TRIM24: variants seen among roughly 807,000 people sequenced by gnomAD.
TRIM24 encodes tripartite motif containing 24.
In TRIM24, 29 loss-of-function variants were observed where a neutral mutation model predicts 123.9. The ratio of observed to expected loss-of-function variants is 0.23; its 90% confidence interval spans 0.17 to 0.32. The LOEUF (loss-of-function observed/expected upper bound fraction) is 0.32. Ranked by LOEUF, TRIM24 falls within the 10% of genes least tolerant of loss-of-function variation. TRIM24 has a pLI of 1.00. For missense variants in TRIM24, 932 were observed against 1,295.3 expected (o/e 0.72, Z 4.31); for synonymous variants, 456 against 461.1 (o/e 0.99, Z 0.14).
At chr7:138,514,971 C>G in intron 2 of TRIM24, 1 of 359,752 alleles carries the variant, frequency 2.8e-6, no homozygotes, top group South Asian at 7.9e-5. Context: ...TGGGAAATAC[C>G]TAGTTGAAAT....
At chr7:138,492,451 AATGTCCTTTG>A in intron 1 of TRIM24, among the ~76,000 whole-genome samples, 1 of 152,260 alleles carries the variant, frequency 6.6e-6, no homozygotes, top group East Asian at 1.9e-4. Context: ...CCGTCTTGAT[AATGTCCTTTG>A]ATGTACTGTA....
At chr7:138,555,482 ATTTTTTT>A (rs1203577540) in intron 9 of TRIM24, among the ~76,000 whole-genome samples, 1 of 138,516 alleles carries the variant, frequency 7.2e-6, no homozygotes, top group Non-Finnish European at 1.6e-5. Context: ...CTATAATCCA[ATTTTTTT>A]TTTTTTTTTT....
chr7:138,538,852 C>T, intron 7 of TRIM24, 49 bp downstream of exon 7: 1 of 1,521,534 alleles, frequency 6.6e-7, no homozygotes, highest in Non-Finnish European at 9.0e-7. Flanking sequence ...CACAGTAAAA[C>T]AATGGAGCCA....
intron 9 of TRIM24, among the ~76,000 whole-genome samples, chr7:138,560,179 G>A (rs1279196360): frequency 6.6e-6 from 1 of 152,184 alleles, no homozygotes; most frequent in South Asian, 2.1e-4. Context: ...AGCTGTATAA[G>A]TGTCCAATTC....
chr7:138,467,800 A>G (rs888829012), intron 1 of TRIM24, among the ~76,000 whole-genome samples: 6 of 152,310 alleles, frequency 3.9e-5, no homozygotes, highest in African/African-American at 1.4e-4. Flanking sequence ...GATATCGTAT[A>G]TGATATTTTT....
chr7:138,515,868 A>T (rs1345306270), intron 3 of TRIM24, among the ~76,000 whole-genome samples: 3 of 152,246 alleles, frequency 2.0e-5, no homozygotes, highest in South Asian at 2.1e-4. Context: ...AATACATGCA[A>T]CATAAAATTT....
chr7:138,476,445 T>C (rs1231344033), intron 1 of TRIM24, among the ~76,000 whole-genome samples: 1 of 151,522 alleles, frequency 6.6e-6, no homozygotes, highest in East Asian at 1.9e-4. Flanking sequence ...ATACAAAAAT[T>C]AGCCGGGCAT....
At chr7:138,516,808 G>GTTTTTTTTTTTTT (rs1224612357) in intron 3 of TRIM24, among the ~76,000 whole-genome samples, 1 of 131,874 alleles carries the variant, frequency 7.6e-6, no homozygotes, top group African/African-American at 2.9e-5. Flanking sequence ...TAGCAAAACC[G>GTTTTTTTTTTTTT]TTTTGTTTTT....
At chr7:138,541,939 C>T (rs1415020581) in intron 7 of TRIM24, among the ~76,000 whole-genome samples, 2 of 152,172 alleles carry the variant, frequency 1.3e-5, no homozygotes, top group Non-Finnish European at 2.9e-5. Context: ...CAACCTCTGC[C>T]ACCTTAAAAC....
intron 7 of TRIM24, among the ~76,000 whole-genome samples, chr7:138,548,390 C>T (rs1797143172): frequency 6.6e-6 from 1 of 151,824 alleles, no homozygotes; most frequent in African/African-American, 2.4e-5. Flanking sequence ...CACCACTCCA[C>T]TCCAGCCTGG....
rs189508102 is a variant in TRIM24, at chr7:138,525,368, G to A, written c.881+11G>A. On this transcript the variant is annotated intron_variant, in intron 5 of 18. Coordinates refer to ENST00000343526, the MANE Select transcript of TRIM24 (RefSeq NM_015905.3). Reference sequence around the variant, plus strand: ...TCAGATCCAAAACAGGTAATTTTATGGTATTATGTAATCATTTTTATATAA... The same window carrying A: ...TCAGATCCAAAACAGGTAATTTTATAGTATTATGTAATCATTTTTATATAA... The A allele has an allele frequency of 1.1e-4, 155 of 1,353,094 alleles. 1 individual carries two copies. The highest frequency in any genetic ancestry group is 6.5e-4 in the Admixed American group (24 of 37,050). 83.8% of individuals were successfully genotyped at this position (1,353,094 alleles called of 1,614,324 possible).
In TRIM24 at chr7:138,589,503, G is replaced by C. The variant is rs915912671; in HGVS notation, c.*4552G>C. On this transcript the variant is annotated 3_prime_UTR_variant, in exon 19 of 19. Coordinates refer to ENST00000343526, the MANE Select transcript of TRIM24 (RefSeq NM_015905.3). ...CCTAGCTGTAACATTGATCCATATA[G>C]GGGCAAGCTACTAGTCCATAAATAG... 1 of 152,118 alleles carries C rather than the reference G, an allele frequency of 6.6e-6. No homozygotes were observed. The highest frequency in any genetic ancestry group is 6.6e-5 in the Admixed American group (1 of 15,264). 9.4% of individuals were successfully genotyped at this position (152,118 alleles called of 1,614,324 possible).
At chr7:138,501,141 CT>C (rs995114626) in intron 1 of TRIM24, among the ~76,000 whole-genome samples, 3 of 152,144 alleles carry the variant, frequency 2.0e-5, no homozygotes, top group Non-Finnish European at 4.4e-5. Flanking sequence ...CAGCATCACC[CT>C]AAACACATGA....
chr7:138,568,596 AG>A (rs2116665797), intron 10 of TRIM24, among the ~76,000 whole-genome samples: 1 of 151,868 alleles, frequency 6.6e-6, no homozygotes, highest in African/African-American at 2.4e-5. Context: ...CATGTTGGCC[AG>A]GCTAGTCTCG....
Position 138,515,331 on chromosome 7 carries a change from T to C in TRIM24, c.603T>C (p.Thr201=). The C allele has an allele frequency of 6.2e-7, 1 of 1,614,104 alleles. No homozygotes were observed. The highest frequency in any genetic ancestry group is 8.5e-7 in the Non-Finnish European group (1 of 1,179,972). The change falls in exon 3 of 19, where the codon ACT becomes ACC. Residue 201 remains threonine, a synonymous_variant. Coordinates refer to ENST00000343526, the MANE Select transcript of TRIM24 (RefSeq NM_015905.3). The part of the protein sequence containing the change: ...HQRVKFTKDH[T]VRQKEEVSPE... Reference sequence around the variant, plus strand: ...GGGTAAAGTTCACAAAAGACCACACTGTCAGACAGAAAGAGGAAGTATCTC... The same window carrying C: ...GGGTAAAGTTCACAAAAGACCACACCGTCAGACAGAAAGAGGAAGTATCTC...
intron 1 of TRIM24, among the ~76,000 whole-genome samples, chr7:138,476,653 A>G (rs1795408637): frequency 1.3e-5 from 2 of 152,036 alleles, no homozygotes; most frequent in Admixed American, 6.6e-5. Context: ...TTGACATTAT[A>G]CTTTTTGGGT....
intron 2 of TRIM24, among the ~76,000 whole-genome samples, chr7:138,510,600 T>G (rs1584709516): frequency 1.3e-5 from 2 of 152,248 alleles, no homozygotes; most frequent in East Asian, 3.9e-4. Context: ...TTTTTGTATT[T>G]TAGTAGAGAC....
At chr7:138,497,532 GAT>G (rs2116512882) in intron 1 of TRIM24, among the ~76,000 whole-genome samples, 2 of 150,996 alleles carry the variant, frequency 1.3e-5, no homozygotes, top group South Asian at 4.2e-4. Flanking sequence ...AAGTAGCTAG[GAT>G]TAGGCAGCTA....
intron 1 of TRIM24, among the ~76,000 whole-genome samples, chr7:138,474,049 G>A (rs1183172684): frequency 1.3e-5 from 2 of 152,112 alleles, no homozygotes; most frequent in Non-Finnish European, 2.9e-5. Context: ...AGGATTACAG[G>A]CATGAGCCAT....
Sources: gnomAD v4.1 joint callset for allele counts (sites outside exome capture counted in the v4.1 genomes callset) on GRCh38, gnomAD v4.1.1 for gene constraint, MANE v1.5 for transcripts, NCBI Gene and HGNC (gene_info 2026-07-23, HGNC 2026-07-21) for gene names.